Variants in LPP observed in about 807,000 individuals in gnomAD.
LPP encodes the protein LIM domain containing preferred translocation partner in lipoma.
In LPP, 38 loss-of-function variants were observed where a neutral mutation model predicts 60.4. The ratio of observed to expected loss-of-function variants is 0.63; its 90% CI spans 0.49 to 0.83. LPP has a LOEUF of 0.83. Ranked by LOEUF, LPP falls within the 40% of genes least tolerant of loss-of-function variation. The pLI, the probability that LPP is intolerant of heterozygous loss-of-function variation, is 0.00. For synonymous variants in LPP, 328 were observed against 290.8 expected (o/e 1.13, Z -1.30); for missense variants, 902 against 783.6 (o/e 1.15, Z -1.80).
chr3:188,276,894 C>CTT (rs1203656488), intron 2 of LPP, among the ~76,000 whole-genome samples: 122 of 38,176 alleles, frequency 3.2e-3, no homozygotes, highest in East Asian at 0.013. Context: ...CTTTTCTTTT[C>CTT]TTTTTTTTTT....
chr3:188,153,211 G>A (rs1166205938), upstream of LPP: 2 of 152,312 alleles, frequency 1.3e-5, no homozygotes, highest in African/African-American at 4.8e-5. Context: ...CTTCCTGGAG[G>A]CGGGAACCCA....
Position 188,622,784 on chromosome 3 carries a change from C to T in LPP, c.1113+12940C>T, listed in dbSNP as rs530785322. 7.2e-5 allele frequency among the ~76,000 whole-genome samples: 11 copies of T among 152,144 alleles called. No homozygotes were observed. The South Asian group carries it at 2.1e-3, about 29-fold the overall frequency. On this transcript the variant is annotated intron_variant, in intron 7 of 11. Coordinates refer to ENST00000617246, the MANE Select transcript of LPP (RefSeq NM_001375462.1). Reference sequence around the variant, plus strand: ...GTGGCTCACACCTGTAATCCCAGCACTTTGGGAGACCGAGGCAGGCAGATC... The same window carrying T: ...GTGGCTCACACCTGTAATCCCAGCATTTTGGGAGACCGAGGCAGGCAGATC...
intron 6 of LPP, among the ~76,000 whole-genome samples, chr3:188,591,131 A>G (rs1838614353): frequency 6.6e-6 from 1 of 152,188 alleles, no homozygotes; most frequent in African/African-American, 2.4e-5. Context: ...GGTCTGAGGA[A>G]AAATTATTTA....
chr3:188,327,719 T>C (rs1267640051), intron 2 of LPP, among the ~76,000 whole-genome samples: 6 of 152,140 alleles, frequency 3.9e-5, no homozygotes, highest in Non-Finnish European at 8.8e-5. Flanking sequence ...GGTAGCAGCG[T>C]CTGAAAGTAG....
intron 6 of LPP, among the ~76,000 whole-genome samples, chr3:188,530,712 C>A (rs1821958511): frequency 6.6e-6 from 1 of 152,252 alleles, no homozygotes; most frequent in South Asian, 2.1e-4. Flanking sequence ...AAAAGTCTTT[C>A]TTTTATGGCG....
chr3:188,789,120 AT>A (rs1742858161), intron 9 of LPP, among the ~76,000 whole-genome samples: 1 of 151,296 alleles, frequency 6.6e-6, no homozygotes, highest in African/African-American at 2.4e-5. Context: ...GCAACAATGT[AT>A]TTTTTAATTA....
chr3:188,223,729 T>G (rs958156248), intron 1 of LPP, among the ~76,000 whole-genome samples: 2 of 152,138 alleles, frequency 1.3e-5, no homozygotes, highest in African/African-American at 4.8e-5. Context: ...GTGATTTGTA[T>G]CTCTCTCTGC....
chr3:188,863,616 G>A (rs1402495465), intron 9 of LPP, among the ~76,000 whole-genome samples: 1 of 152,188 alleles, frequency 6.6e-6, no homozygotes, highest in Non-Finnish European at 1.5e-5. Flanking sequence ...AAAGGCGCAG[G>A]CTGTCGAAGG....
At chr3:188,481,652 G>A (rs1221276432) in intron 4 of LPP, among the ~76,000 whole-genome samples, 1 of 152,130 alleles carries the variant, frequency 6.6e-6, no homozygotes, top group Admixed American at 6.5e-5. Flanking sequence ...GACTTTTCAT[G>A]TAGCTTCTTT....
At chr3:188,664,625 G>A (rs191413795) in intron 7 of LPP, among the ~76,000 whole-genome samples, 1 of 150,874 alleles carries the variant, frequency 6.6e-6, no homozygotes, top group Non-Finnish European at 1.5e-5. Flanking sequence ...GTCTGTGTGT[G>A]TGTGTGTGTG....
chr3:188,320,766 A>G (rs1452647384), intron 2 of LPP, among the ~76,000 whole-genome samples: 1 of 152,180 alleles, frequency 6.6e-6, no homozygotes, highest in Non-Finnish European at 1.5e-5. Context: ...GATGCATCGT[A>G]CTTACTGAAT....
chr3:188,544,169 C>T (rs1825929080), intron 6 of LPP, among the ~76,000 whole-genome samples: 1 of 152,148 alleles, frequency 6.6e-6, no homozygotes, highest in Admixed American at 6.5e-5. Flanking sequence ...GAAGTTGTGG[C>T]TGAACAATGA....
intron 3 of LPP, among the ~76,000 whole-genome samples, chr3:188,348,438 G>A (rs556643092): frequency 1.4e-4 from 22 of 152,254 alleles, no homozygotes; most frequent in African/African-American, 4.6e-4. Flanking sequence ...ATGAGCCACC[G>A]TGCGTGGCTG....
At chr3:188,569,460 G>A (rs1833004637) in intron 6 of LPP, among the ~76,000 whole-genome samples, 1 of 151,956 alleles carries the variant, frequency 6.6e-6, no homozygotes, top group South Asian at 2.1e-4. Context: ...ATTTTATGTA[G>A]AATTCCCCAT....
intron 2 of LPP, among the ~76,000 whole-genome samples, chr3:188,253,294 T>A (rs1256203402): frequency 6.6e-6 from 1 of 152,222 alleles, no homozygotes; most frequent in African/African-American, 2.4e-5. Context: ...CTTTTATTGC[T>A]TCTGGACTTT....
At chr3:188,635,364 C>T (rs1848532179) in intron 7 of LPP, among the ~76,000 whole-genome samples, 1 of 152,130 alleles carries the variant, frequency 6.6e-6, no homozygotes, top group Non-Finnish European at 1.5e-5. Context: ...AGTTCCTTTC[C>T]TTTGAACTGT....
At chr3:188,351,274 G>C (rs533869231) in intron 3 of LPP, among the ~76,000 whole-genome samples, 4 of 152,252 alleles carry the variant, frequency 2.6e-5, no homozygotes, top group Admixed American at 2.0e-4. Flanking sequence ...TAGGCTTAAA[G>C]AATTTCGGAA....
chr3:188,662,888 G>A (rs549681319), intron 7 of LPP, among the ~76,000 whole-genome samples: 1 of 152,344 alleles, frequency 6.6e-6, no homozygotes, highest in African/African-American at 2.4e-5. Flanking sequence ...ATTATTCCAG[G>A]TGTCTGAGTA....
At position 188,209,645 on chromosome 3, in the gene LPP, A is replaced by G. The variant is rs74608807; in HGVS notation, c.-189-15760A>G. ...TTTAGGTCTGGCAGGATCTGAGAAC[A>G]GGAGTGGGGATCTTGGAATGGGATC... is the stretch of plus-strand genomic sequence containing the variant. On this transcript the variant is annotated intron_variant, in intron 1 of 11. Coordinates refer to ENST00000617246, the MANE Select transcript of LPP (RefSeq NM_001375462.1). Among the ~76,000 whole-genome samples the G allele has an allele frequency of 4.8e-3, 732 of 152,302 alleles. 4 individuals carry two copies. Among genetic ancestry groups the G allele is most frequent in the African/African-American group, 0.017 (701 of 41,560 alleles).
Sources: allele counts gnomAD v4.1 joint callset (sites outside exome capture counted in the v4.1 genomes callset), GRCh38; gene constraint gnomAD v4.1.1; transcripts MANE v1.5; gene names NCBI Gene and HGNC (gene_info 2026-07-23, HGNC 2026-07-21).